The following SPECC1 variants were observed in gnomAD, a reference collection of about 807,000 sequenced individuals.
SPECC1 encodes the protein sperm antigen with calponin homology and coiled-coil domains 1.
Under a neutral mutation model 104.1 loss-of-function variants are expected in SPECC1, and 62 were observed. The ratio of observed to expected loss-of-function variants is 0.60; its 90% CI spans 0.49 to 0.74. SPECC1 has a LOEUF of 0.74. Among genes scored for constraint, SPECC1 ranks in the 30% least tolerant of loss-of-function variants. SPECC1 has a pLI of 0.00. For synonymous variants in SPECC1, 513 were observed against 501.6 expected (o/e 1.02, Z -0.30); for missense variants, 1,306 against 1,310.5 (o/e 1.00, Z 0.05).
Position 20,246,034 on chromosome 17 carries a change from T to G in SPECC1, c.2460T>G (p.Val820=). Reference sequence around the variant, plus strand: ...CACCCCCAGAGTCGGCAACCACCGTTAAGTCACTTATCAAGTCATTTGACT... The same window carrying G: ...CACCCCCAGAGTCGGCAACCACCGTGAAGTCACTTATCAAGTCATTTGACT... The part of the protein sequence containing the change: ...SPTPPESATT[V]KSLIKSFDLG... Residue 820 remains valine, a synonymous_variant, in exon 8 of 15, where the codon GTT becomes GTG. Transcript: ENST00000395527. The G allele has an allele frequency of 6.2e-7, 1 of 1,614,214 alleles. No homozygotes were observed. The highest frequency in any genetic ancestry group is 2.2e-5 in the East Asian group (1 of 44,878).
intron 5 of SPECC1, among the ~76,000 whole-genome samples, chr17:20,227,834 G>A (rs557179725): frequency 6.6e-6 from 1 of 152,346 alleles, no homozygotes; most frequent in South Asian, 2.1e-4. Context: ...AGAATCACTT[G>A]AACGCAGGAG....
intron 1 of SPECC1, among the ~76,000 whole-genome samples, chr17:20,039,338 T>G (rs2045227507): frequency 6.6e-6 from 1 of 152,210 alleles, no homozygotes; most frequent in African/African-American, 2.4e-5. Context: ...TATCAGTTGT[T>G]AAGAGAGGGT....
intron 12 of SPECC1, among the ~76,000 whole-genome samples, chr17:20,262,003 C>T (rs1345463249): frequency 6.6e-6 from 1 of 152,130 alleles, no homozygotes; most frequent in East Asian, 1.9e-4. Context: ...AAGTATGCAT[C>T]CGTAAGTACT....
chr17:20,271,991 T>G (rs890525296), intron 12 of SPECC1, among the ~76,000 whole-genome samples: 6 of 151,840 alleles, frequency 4.0e-5, no homozygotes, highest in Non-Finnish European at 8.8e-5. Flanking sequence ...TACAGTCGTT[T>G]GTGATTTTTT....
rs556201271 is a variant in SPECC1 at position 20,129,744 on chromosome 17, TTGTTTTG to T, written c.283+19184_283+19190del. Among the ~76,000 whole-genome samples the T allele has an allele frequency of 3.0e-3, 447 of 151,260 alleles. 2 individuals carry two copies. Among genetic ancestry groups the T allele is most frequent in the African/African-American group, 1.0e-2 (410 of 41,088 alleles). On this transcript the variant is annotated intron_variant, in intron 3 of 14. Transcript: ENST00000395527. Reference sequence around the variant, plus strand: ...GCCAGTTTTGTTGTTGTTGTTGTTGTTGTTTTGTTTGTTTGTTTGGTTGTTTTGAGAC... The same window carrying T: ...GCCAGTTTTGTTGTTGTTGTTGTTGTTTTGTTTGTTTGGTTGTTTTGAGAC...
intron 5 of SPECC1, among the ~76,000 whole-genome samples, chr17:20,227,971 G>C (rs1467991288): frequency 2.6e-5 from 4 of 152,092 alleles, no homozygotes; most frequent in Non-Finnish European, 5.9e-5. Context: ...TGACGAGGGG[G>C]GGTGGGTTTG....
chr17:20,167,997 GAC>G (rs2033799538), intron 3 of SPECC1, among the ~76,000 whole-genome samples: 1 of 152,086 alleles, frequency 6.6e-6, no homozygotes, highest in Non-Finnish European at 1.5e-5. Context: ...AAACACATAA[GAC>G]AGCTGAATGC....
Position 20,314,149 on chromosome 17 carries a change from C to T in SPECC1, c.*84C>T, listed in dbSNP as rs2042002452. 3 of 1,158,188 alleles carry T rather than the reference C, an allele frequency of 2.6e-6. No individual in the cohort carries two copies. In the South Asian group the frequency reaches 3.9e-5, roughly 15 times the overall value. The allele number at this position is 1,158,188 out of a possible 1,614,324, so 71.7% of individuals were successfully genotyped here. Reference sequence around the variant, plus strand: ...CTGATTACTGTCCACTGACCCTGCTCTGCCCACCACCCAGCTGCCTAGACT... The same window carrying T: ...CTGATTACTGTCCACTGACCCTGCTTTGCCCACCACCCAGCTGCCTAGACT... On this transcript the variant is annotated 3_prime_UTR_variant, in exon 15 of 15. Transcript: ENST00000395527.
intron 3 of SPECC1, among the ~76,000 whole-genome samples, chr17:20,167,140 ATTATATTATATATAAT>A (rs2033720388): frequency 6.8e-6 from 1 of 147,842 alleles, no homozygotes; most frequent in Non-Finnish European, 1.5e-5. Flanking sequence ...GTATATATAT[ATTATATTATATATAAT>A]TTATATTATA....
At chr17:20,078,715 AT>A (rs2046857814) in intron 1 of SPECC1, among the ~76,000 whole-genome samples, 1 of 152,094 alleles carries the variant, frequency 6.6e-6, no homozygotes, top group South Asian at 2.1e-4. Context: ...ATACAAACAT[AT>A]TTATGTTAAA....
chr17:20,171,082 C>A (rs1355368834), intron 3 of SPECC1, among the ~76,000 whole-genome samples: 1 of 152,172 alleles, frequency 6.6e-6, no homozygotes, highest in Non-Finnish European at 1.5e-5. Context: ...TGAAAATTAT[C>A]TGTTTATAGT....
chr17:20,199,286 C>T (rs1015263355), intron 3 of SPECC1, among the ~76,000 whole-genome samples: 2 of 150,874 alleles, frequency 1.3e-5, no homozygotes, highest in Non-Finnish European at 2.9e-5. Flanking sequence ...AGGGTTTTGC[C>T]ATGTTGGCCA....
chr17:20,139,122 G>A lies in SPECC1; in HGVS notation c.283+28560G>A, dbSNP rs184857142. Among the ~76,000 whole-genome samples the A allele has an allele frequency of 1.9e-3, 287 of 152,316 alleles. 2 individuals are homozygous for A. Among genetic ancestry groups the A allele is most frequent in the Non-Finnish European group, 2.8e-3 (188 of 68,038 alleles). On this transcript the variant is annotated intron_variant, in intron 3 of 14. Transcript: ENST00000395527. ...ACAGGATTGGAAGACTTTCATCAAA[G>A]TCCTTTCCAACCCTGAAGGGGCTGC...
intron 1 of SPECC1, among the ~76,000 whole-genome samples, chr17:20,094,677 TA>T (rs201939942): frequency 0.019 from 130 of 6,804 alleles, no homozygotes; most frequent in Middle Eastern, 0.5. Flanking sequence ...TCCAGTCCTT[TA>T]TTTTTTTTTT....
chr17:20,098,983 A>AG (rs1305545934), intron 2 of SPECC1, among the ~76,000 whole-genome samples: 2 of 152,142 alleles, frequency 1.3e-5, no homozygotes, highest in Non-Finnish European at 2.9e-5. Flanking sequence ...ATGGAACAAG[A>AG]GGAGCTTGGG....
rs199792368 is a variant in SPECC1 at position 20,219,861 on chromosome 17, TG to T, written c.1864-7544del. The stretch of plus-strand genomic sequence containing the variant: ...ATCCTTTTGATATGATTTTTGTATA[TG>T]GGGGGGGTGTCTAGTTTCATTCTTC... On this transcript the variant is annotated intron_variant, in intron 4 of 14. Coordinates refer to ENST00000395527, the MANE Select transcript of SPECC1 (RefSeq NM_001243439.2). Among the ~76,000 whole-genome samples the T allele has an allele frequency of 2.2e-3, 333 of 151,752 alleles. 6 individuals carry two copies. Among genetic ancestry groups the T allele is most frequent in the Admixed American group, 0.014 (210 of 15,212 alleles).
At chr17:20,026,616 A>T (rs2044609270) in intron 1 of SPECC1, among the ~76,000 whole-genome samples, 1 of 152,118 alleles carries the variant, frequency 6.6e-6, no homozygotes, top group Admixed American at 6.6e-5. Context: ...ACAGGATTTC[A>T]TTCTTCTTTA....
At chr17:20,189,146 G>GTA (rs1319642591) in intron 3 of SPECC1, among the ~76,000 whole-genome samples, 1 of 152,110 alleles carries the variant, frequency 6.6e-6, no homozygotes, top group East Asian at 1.9e-4. Context: ...AAGGCTGCAC[G>GTA]TGAATATGGC....
At chr17:20,213,896 A>C (rs1324981633) in intron 4 of SPECC1, among the ~76,000 whole-genome samples, 1 of 152,006 alleles carries the variant, frequency 6.6e-6, no homozygotes, top group African/African-American at 2.4e-5. Context: ...TTTAAATAGC[A>C]GCTTTTATTG....
Sources: gnomAD v4.1 joint callset for allele counts (sites outside exome capture counted in the v4.1 genomes callset) on GRCh38, gnomAD v4.1.1 for gene constraint, MANE v1.5 for transcripts, NCBI Gene and HGNC (gene_info 2026-07-23, HGNC 2026-07-21) for gene names.